Variants in CPNE8 observed in about 807,000 individuals in gnomAD.
The protein encoded by CPNE8 is copine 8, also known as copine-8.
CPNE8 carries 45 observed loss-of-function variants against 81.5 expected under a neutral mutation model. The observed-to-expected ratio is 0.55, with a 90% CI of 0.44 to 0.71. CPNE8 has a LOEUF of 0.71. CPNE8 is among the 30% of genes least tolerant of loss of function. The probability of loss-of-function intolerance (pLI) is 0.00; values close to 1 mark genes in which losing one functional copy is unlikely to be tolerated. For synonymous variants in CPNE8, 252 were observed against 226.3 expected, an observed-to-expected ratio of 1.11 and a Z score of -1.02; for missense variants, 594 against 672.1, an observed-to-expected ratio of 0.88 and a Z score of 1.28.
chr12:38,829,490 T>G lies in CPNE8; in HGVS notation c.331-35A>C, dbSNP rs1265244060. ...ATAAAAAGATTAAAGCTCATAAGTT[T>G]CCAAACTATCTTTACAGTATATGTT... On this transcript the variant is annotated intron_variant, in intron 5 of 19. Coordinates refer to ENST00000331366, the MANE Select transcript of CPNE8 (RefSeq NM_153634.3). The G allele has an allele frequency of 2.1e-6, 3 of 1,414,598 alleles. No homozygotes were observed. The South Asian group carries it at 3.5e-5, about 16-fold the overall frequency. The allele number at this position is 1,414,598 out of a possible 1,614,324, so 87.6% of individuals were successfully genotyped here. A position where few individuals can be genotyped will look rare whatever the true frequency, so the allele number is the denominator to read the frequency against.
chr12:38,884,547 T>C (rs771063597), intron 1 of CPNE8, among the ~76,000 whole-genome samples: 14 of 152,198 alleles, frequency 9.2e-5, no homozygotes, highest in Non-Finnish European at 1.9e-4. Context: ...CTGGGGTACA[T>C]ACCTAACAGA....
intron 1 of CPNE8, among the ~76,000 whole-genome samples, chr12:38,896,444 T>C (rs1344306267): frequency 2.0e-5 from 3 of 152,138 alleles, no homozygotes; most frequent in Non-Finnish European, 2.9e-5. Context: ...ACCTTTTAAA[T>C]ACATCCTATT....
intron 11 of CPNE8, among the ~76,000 whole-genome samples, chr12:38,728,634 A>C (rs1270580324): frequency 6.6e-6 from 1 of 152,170 alleles, no homozygotes; most frequent in Non-Finnish European, 1.5e-5. Flanking sequence ...ACCATTAAGC[A>C]TAACAACATA....
chr12:38,669,449 T>G (rs1466841244), intron 19 of CPNE8, among the ~76,000 whole-genome samples: 1 of 152,180 alleles, frequency 6.6e-6, no homozygotes, highest in African/African-American at 2.4e-5. Flanking sequence ...TCACTTAATC[T>G]TCACAATTCT....
chr12:38,750,191 G>C (rs1375542525), intron 10 of CPNE8, among the ~76,000 whole-genome samples: 1 of 152,216 alleles, frequency 6.6e-6, no homozygotes, highest in Non-Finnish European at 1.5e-5. Context: ...CAGGTGCACA[G>C]AAGTCAAGAA....
chr12:38,848,213 G>T (rs1442031404), intron 4 of CPNE8, among the ~76,000 whole-genome samples: 2 of 152,182 alleles, frequency 1.3e-5, no homozygotes, highest in Non-Finnish European at 2.9e-5. Context: ...CTAAGAAGCT[G>T]CTGAGCCAAA....
rs551381141 is a variant in CPNE8 at position 38,752,794 on chromosome 12, C to T, written c.722+8053G>A. 2.7e-3 allele frequency among the ~76,000 whole-genome samples: 412 copies of T among 152,230 alleles called. 1 individual carries two copies. The highest frequency in any genetic ancestry group is 9.5e-3 in the African/African-American group (393 of 41,530). On this transcript the variant is annotated intron_variant, in intron 10 of 19. Coordinates refer to ENST00000331366, the MANE Select transcript of CPNE8 (RefSeq NM_153634.3). ...TTTGTATTCCAAATTTGACTGATGA[C>T]ATTCTAATGGAGATGAATTTAAATA... is the stretch of plus-strand genomic sequence containing the variant.
intron 4 of CPNE8, among the ~76,000 whole-genome samples, chr12:38,842,904 C>T (rs1274901624): frequency 1.3e-5 from 2 of 152,092 alleles, no homozygotes; most frequent in Non-Finnish European, 2.9e-5. Flanking sequence ...TCTTTTAACA[C>T]AATTTTTCTT....
At chr12:38,790,205 G>C (rs538266339) in intron 6 of CPNE8, among the ~76,000 whole-genome samples, 1 of 151,656 alleles carries the variant, frequency 6.6e-6, no homozygotes, top group Admixed American at 6.6e-5. Context: ...GGAAAACCAC[G>C]TAGAATAGAT....
Position 38,685,386 on chromosome 12 carries a change from T to C in CPNE8, c.1271+104A>G, listed in dbSNP as rs575746985. 2.9e-5 allele frequency: 37 copies of C among 1,271,910 alleles called. No individual in the cohort carries two copies. In the Admixed American group the frequency reaches 3.4e-4, roughly 12 times the overall value. The allele number at this position is 1,271,910 out of a possible 1,614,324, so 78.8% of individuals were successfully genotyped here. On this transcript the variant is annotated intron_variant, in intron 16 of 19. Coordinates refer to ENST00000331366, the MANE Select transcript of CPNE8 (RefSeq NM_153634.3). Reference sequence around the variant, plus strand: ...TTTCCCCACTTTCTTGGAGGTAAACTAGAAGAAAACAACTTTCATGTGTGG... The same window carrying C: ...TTTCCCCACTTTCTTGGAGGTAAACCAGAAGAAAACAACTTTCATGTGTGG...
chr12:38,855,736 A>C (rs1943720360), intron 3 of CPNE8, among the ~76,000 whole-genome samples: 2 of 152,138 alleles, frequency 1.3e-5, no homozygotes, highest in African/African-American at 4.8e-5. Flanking sequence ...TTCACCACAA[A>C]AATAATAATA....
intron 7 of CPNE8, among the ~76,000 whole-genome samples, chr12:38,771,253 GA>G (rs1411657431): frequency 2.0e-5 from 3 of 151,334 alleles, no homozygotes; most frequent in Non-Finnish European, 4.4e-5. Flanking sequence ...TTGAGTCTGG[GA>G]GTTCAAGACC....
intron 19 of CPNE8, among the ~76,000 whole-genome samples, chr12:38,658,069 G>A (rs1268069418): frequency 6.6e-6 from 1 of 152,158 alleles, no homozygotes; most frequent in Non-Finnish European, 1.5e-5. Context: ...GACAGAAGTA[G>A]GCTTCAGAAG....
chr12:38,710,491 A>G (rs539284066), intron 13 of CPNE8, among the ~76,000 whole-genome samples: 10 of 152,232 alleles, frequency 6.6e-5, no homozygotes, highest in East Asian at 1.9e-4. Flanking sequence ...TAGTTTTCTC[A>G]TATGACAGAC....
At chr12:38,745,456 T>G (rs561484496) in intron 10 of CPNE8, among the ~76,000 whole-genome samples, 6 of 152,318 alleles carry the variant, frequency 3.9e-5, no homozygotes, top group African/African-American at 1.4e-4. Flanking sequence ...TGGATAGCAA[T>G]CATCTTTAAA....
chr12:38,720,198 T>C (rs894017692), intron 13 of CPNE8, among the ~76,000 whole-genome samples: 1 of 152,150 alleles, frequency 6.6e-6, no homozygotes, highest in African/African-American at 2.4e-5. Flanking sequence ...GTGCTATAAG[T>C]AGGAAGTGTG....
At chr12:38,745,755 G>C (rs1941211969) in intron 10 of CPNE8, among the ~76,000 whole-genome samples, 1 of 152,136 alleles carries the variant, frequency 6.6e-6, no homozygotes, top group South Asian at 2.1e-4. Flanking sequence ...ATGTTACCCA[G>C]GCTGGTCTCA....
chr12:38,901,197 G>T (rs188015696), intron 1 of CPNE8, among the ~76,000 whole-genome samples: 1 of 152,082 alleles, frequency 6.6e-6, no homozygotes, highest in East Asian at 1.9e-4. Context: ...CTCCAGCCTG[G>T]GCCACAGAGT....
At chr12:38,715,655 AG>A (rs1322133530) in intron 13 of CPNE8, among the ~76,000 whole-genome samples, 5 of 152,120 alleles carry the variant, frequency 3.3e-5, no homozygotes, top group African/African-American at 1.2e-4. Context: ...AAGTAATAAA[AG>A]CCATATATGA....
Sources: allele counts gnomAD v4.1 joint callset (sites outside exome capture counted in the v4.1 genomes callset), GRCh38; gene constraint gnomAD v4.1.1; transcripts MANE v1.5; gene names NCBI Gene and HGNC (gene_info 2026-07-23, HGNC 2026-07-21).